Variants in DPH6 observed in about 807,000 individuals in gnomAD.
DPH6 encodes diphthine--ammonia ligase.
In DPH6, 33 loss-of-function variants were observed where a neutral mutation model predicts 38.2. That is an observed-to-expected ratio of 0.86 (90% CI 0.65 to 1.15). The LOEUF (loss-of-function observed/expected upper bound fraction) is 1.15. DPH6 is among the 50% of genes most tolerant of loss of function. The pLI is 0.00. For missense variants in DPH6, 325 were observed against 320.0 expected (o/e 1.02, Z -0.12); for synonymous variants, 108 against 103.0 (o/e 1.05, Z -0.30).
intron 3 of DPH6, among the ~76,000 whole-genome samples, chr15:35,248,923 G>A (rs904072024): frequency 6.6e-6 from 1 of 152,142 alleles, no homozygotes; most frequent in African/African-American, 2.4e-5. Flanking sequence ...AATAATTAAA[G>A]TTTCATGCAT....
chr15:35,291,476 T>A (rs1413013005), intron 3 of DPH6, among the ~76,000 whole-genome samples: 1 of 152,172 alleles, frequency 6.6e-6, no homozygotes, highest in African/African-American at 2.4e-5. Flanking sequence ...TTTTATGTTA[T>A]GACAAAACTC....
chr15:35,298,875 A>C (rs2052033659), intron 3 of DPH6: 2 of 983,702 alleles, frequency 2.0e-6, no homozygotes, highest in African/African-American at 1.6e-5. Context: ...CCTCTTCATA[A>C]GGAAAATCTC....
intron 3 of DPH6, among the ~76,000 whole-genome samples, chr15:35,241,707 T>G (rs1215432652): frequency 7.0e-6 from 1 of 142,174 alleles, no homozygotes; most frequent in Non-Finnish European, 1.5e-5. Flanking sequence ...CGACCGATCA[T>G]GCACCCCTTA....
chr15:35,252,000 G>A (rs1015056335), intron 3 of DPH6, among the ~76,000 whole-genome samples: 2 of 152,126 alleles, frequency 1.3e-5, no homozygotes, highest in Non-Finnish European at 2.9e-5. Context: ...TTAGCTAGGC[G>A]TGGTAGTGGG....
chr15:35,214,626 A>G (rs966241277), downstream of DPH6, among the ~76,000 whole-genome samples: 7 of 151,446 alleles, frequency 4.6e-5, no homozygotes, highest in Non-Finnish European at 1.5e-5. Flanking sequence ...TTTTTTTTTG[A>G]GGCAGAGTTT....
chr15:35,522,770 A>G (rs960047364), intron 3 of DPH6, among the ~76,000 whole-genome samples: 1 of 151,186 alleles, frequency 6.6e-6, no homozygotes, highest in African/African-American at 2.5e-5. Flanking sequence ...TGCAAAAATT[A>G]TACTCTTAAT....
chr15:35,283,185 T>C (rs1328366336), intron 3 of DPH6, among the ~76,000 whole-genome samples: 1 of 147,806 alleles, frequency 6.8e-6, no homozygotes, highest in African/African-American at 2.6e-5. Context: ...TCCTCTTCTT[T>C]TTCTTCTCTT....
chr15:35,448,533 C>T (rs1413089873), intron 5 of DPH6, among the ~76,000 whole-genome samples: 2 of 151,946 alleles, frequency 1.3e-5, no homozygotes, highest in Non-Finnish European at 2.9e-5. Context: ...GAAATCAGGG[C>T]TTCCTGAAAA....
chr15:35,472,776 A>G (rs2054214244), intron 3 of DPH6, among the ~76,000 whole-genome samples: 1 of 152,154 alleles, frequency 6.6e-6, no homozygotes, highest in South Asian at 2.1e-4. Context: ...TTATTCAACA[A>G]ATATTTGAGT....
intron 3 of DPH6, among the ~76,000 whole-genome samples, chr15:35,301,407 AG>A (rs879320260): frequency 6.6e-6 from 1 of 152,234 alleles, no homozygotes. Context: ...TAAAATACGA[AG>A]AATAACATGA....
intron 3 of DPH6, among the ~76,000 whole-genome samples, chr15:35,248,552 CTCT>C (rs2140407195): frequency 6.6e-6 from 1 of 152,328 alleles, no homozygotes; most frequent in South Asian, 2.1e-4. Context: ...TCTCTACACG[CTCT>C]TCTTGCTTCA....
At chr15:35,445,160 A>G (rs138057676) in intron 5 of DPH6, among the ~76,000 whole-genome samples, 210 of 152,258 alleles carry the variant, frequency 1.4e-3, no homozygotes, top group African/African-American at 4.9e-3. Context: ...ATCCAAATCC[A>G]TCTCCCTCAA....
At chr15:35,211,643 T>C in the DPH6 span, among the ~76,000 whole-genome samples, 1 of 152,176 alleles carries the variant, frequency 6.6e-6, no homozygotes. Context: ...CATGTTGTGG[T>C]TGAAAGAACA....
At chr15:35,262,534 G>A (rs1306649583) in intron 3 of DPH6, among the ~76,000 whole-genome samples, 2 of 151,812 alleles carry the variant, frequency 1.3e-5, no homozygotes, top group African/African-American at 4.8e-5. Context: ...GTGAAACCCC[G>A]TCTCTACTAA....
At chr15:35,385,639 AG>A (rs2052942122) in intron 6 of DPH6, among the ~76,000 whole-genome samples, 1 of 152,108 alleles carries the variant, frequency 6.6e-6, no homozygotes, top group Admixed American at 6.5e-5. Flanking sequence ...GGGGAGGGAT[AG>A]CATTAGGAGA....
chr15:35,523,841 A>T (rs896067411), intron 3 of DPH6, among the ~76,000 whole-genome samples: 1 of 152,104 alleles, frequency 6.6e-6, no homozygotes, highest in African/African-American at 2.4e-5. Flanking sequence ...GACAAAAATG[A>T]AAAATGTCCC....
intron 5 of DPH6, among the ~76,000 whole-genome samples, chr15:35,424,983 T>C (rs762965797): frequency 7.3e-5 from 11 of 151,642 alleles, no homozygotes; most frequent in Non-Finnish European, 1.3e-4. Context: ...TGTTGTGAGA[T>C]AGAATTCCTT....
intron 3 of DPH6, among the ~76,000 whole-genome samples, chr15:35,292,524 T>G (rs899738956): frequency 5.9e-5 from 9 of 152,272 alleles, no homozygotes; most frequent in African/African-American, 1.7e-4. Context: ...TTTGTTCAAC[T>G]GGTGACTGGG....
chr15:35,374,678 G>C (rs2052757564), intron 7 of DPH6, among the ~76,000 whole-genome samples: 1 of 151,808 alleles, frequency 6.6e-6, no homozygotes, highest in African/African-American at 2.4e-5. Flanking sequence ...ACATTAAAAA[G>C]GCTTCCATGA....
Sources: gnomAD v4.1 joint callset for allele counts (sites outside exome capture counted in the v4.1 genomes callset) on GRCh38, gnomAD v4.1.1 for gene constraint, MANE v1.5 for transcripts, NCBI Gene and HGNC (gene_info 2026-07-23, HGNC 2026-07-21) for gene names.